GSE1: variants seen among roughly 807,000 people sequenced by gnomAD.
The protein encoded by GSE1 is genetic suppressor element 1.
A neutral mutation model predicts 112.6 loss-of-function variants in GSE1; 32 were observed. The ratio of observed to expected loss-of-function variants is 0.28; its 90% CI spans 0.21 to 0.38. The LOEUF (loss-of-function observed/expected upper bound fraction) is 0.38. Among genes scored for constraint, GSE1 ranks in the 10% least tolerant of loss-of-function variants. GSE1 has a pLI of 1.00. For missense variants in GSE1, 2,348 were observed against 1,699.2 expected (o/e 1.38, Z -6.71); for synonymous variants, 1,115 against 735.6 (o/e 1.52, Z -8.35).
intron 1 of GSE1, among the ~76,000 whole-genome samples, chr16:85,319,259 C>T (rs79296709): frequency 0.032 from 4,820 of 152,282 alleles, 241 homozygotes; most frequent in African/African-American, 0.11. Flanking sequence ...GAAAAGTAGG[C>T]GTGTGACCCA....
chr16:85,482,220 A>AG (rs11400653), intron 2 of GSE1, among the ~76,000 whole-genome samples: 10,798 of 152,184 alleles, frequency 0.071, 1,236 homozygotes, highest in African/African-American at 0.24. Flanking sequence ...ACAGTGGGTG[A>AG]GGGTCCAGCT....
intron 1 of GSE1, among the ~76,000 whole-genome samples, chr16:85,203,127 T>G (rs1382367923): frequency 6.6e-6 from 1 of 151,988 alleles, no homozygotes; most frequent in Non-Finnish European, 1.5e-5. Flanking sequence ...TCCTCTCCTG[T>G]GGGGGTGCCT....
At chr16:85,460,472 GC>G (rs1294967147) in intron 2 of GSE1, among the ~76,000 whole-genome samples, 6 of 152,218 alleles carry the variant, frequency 3.9e-5, no homozygotes, top group Non-Finnish European at 8.8e-5. Context: ...TTGCTAATCT[GC>G]TAGACAATGG....
In GSE1 at chr16:85,307,380, G is replaced by C. The variant is rs536190932; in HGVS notation, c.2284-50083G>C. ...ACTTCTGACACACCTGCCTAGCTCA[G>C]GGGGCCCCAGGACAGCGCTCAGTTT... On this transcript the variant is annotated intron_variant, in intron 1 of 2. Coordinates refer to the GSE1 transcript ENST00000637419. 2.6e-5 allele frequency among the ~76,000 whole-genome samples: 4 copies of C among 152,328 alleles called. No individual in the cohort carries two copies. In the East Asian group the frequency reaches 7.7e-4, roughly 29 times the overall value.
intron 1 of GSE1, among the ~76,000 whole-genome samples, chr16:85,330,200 G>A (rs1251867336): frequency 6.6e-6 from 1 of 152,244 alleles, no homozygotes; most frequent in East Asian, 1.9e-4. Flanking sequence ...ATGTGAGCTA[G>A]GGACTTTGAA....
At chr16:85,475,761 C>A (rs1487269173) in intron 2 of GSE1, among the ~76,000 whole-genome samples, 1 of 141,670 alleles carries the variant, frequency 7.1e-6, no homozygotes, top group Admixed American at 7.4e-5. Flanking sequence ...GGGAATGTTT[C>A]TTCTAATTGT....
chr16:85,616,660 C>T (rs991407292), intron 1 of GSE1, among the ~76,000 whole-genome samples: 1 of 151,914 alleles, frequency 6.6e-6, no homozygotes, highest in African/African-American at 2.4e-5. Context: ...AGCTTGGTGG[C>T]TGTGCCGAAG....
At chr16:85,246,498 A>ACCCCCCC (rs1567636430) in intron 1 of GSE1, among the ~76,000 whole-genome samples, 36 of 31,508 alleles carry the variant, frequency 1.1e-3, no homozygotes, top group Non-Finnish European at 1.5e-3. Flanking sequence ...CACACTCTAC[A>ACCCCCCC]CACCCCCCCC....
At chr16:85,556,430 G>A in intron 1 of GSE1, 1 of 733,362 alleles carries the variant, frequency 1.4e-6, no homozygotes, top group African/African-American at 1.9e-5. Flanking sequence ...TCCCTCACCC[G>A]ACCCCCCTCC....
intron 2 of GSE1, among the ~76,000 whole-genome samples, chr16:85,430,220 G>C (rs2151758519): frequency 6.6e-6 from 1 of 152,318 alleles, no homozygotes; most frequent in African/African-American, 2.4e-5. Context: ...AAGCCCATTT[G>C]ACAGAAGAGG....
chr16:85,618,651 A>C (rs569332719), intron 1 of GSE1, among the ~76,000 whole-genome samples: 1 of 152,136 alleles, frequency 6.6e-6, no homozygotes, highest in Admixed American at 6.5e-5. Flanking sequence ...CCTTGCGGCT[A>C]CTCCTGTTGC....
At chr16:85,329,407 CT>C (rs1414998452) in intron 1 of GSE1, among the ~76,000 whole-genome samples, 2 of 152,070 alleles carry the variant, frequency 1.3e-5, no homozygotes, top group Non-Finnish European at 2.9e-5. Context: ...TCGGCTAAGC[CT>C]GGAACAGCCC....
upstream of GSE1, among the ~76,000 whole-genome samples, chr16:85,608,815 G>A (rs946204501): frequency 6.6e-6 from 1 of 152,178 alleles, no homozygotes; most frequent in African/African-American, 2.4e-5. Flanking sequence ...CCTGGCCCAC[G>A]GACATCCAGG....
chr16:85,221,000 A>G (rs573240643), intron 1 of GSE1, among the ~76,000 whole-genome samples: 6 of 147,376 alleles, frequency 4.1e-5, no homozygotes, highest in Non-Finnish European at 9.0e-5. Flanking sequence ...ACATGGGAGA[A>G]CAGCCAAGCC....
rs2053437302 is a variant in GSE1, at chr16:85,672,531, C to G, written c.3646C>G (p.Pro1216Ala). The change falls in exon 16 of 16, where the codon CCC (proline) becomes GCC (alanine). Residue 1216 changes from proline to alanine, a missense_variant. Transcript: ENST00000253458. Reference protein sequence around the residue: ...HWPRGYLKGYPR With the variant: ...HWPRGYLKGYAR ...GCCTAGGGGCTACCTGAAGGGATAT[C>G]CCAGGTGACGGTTTCCCTTGCACTA... The G allele has an allele frequency of 1.2e-6, 2 of 1,603,772 alleles. No homozygotes were observed. Among genetic ancestry groups the G allele is most frequent in the African/African-American group, 2.7e-5 (2 of 74,736 alleles).
intron 1 of GSE1, among the ~76,000 whole-genome samples, chr16:85,245,901 C>T (rs976684741): frequency 4.0e-5 from 6 of 149,482 alleles, no homozygotes; most frequent in Admixed American, 2.0e-4. Context: ...GCGTGTGTGT[C>T]GAGGTGTCTA....
At chr16:85,198,500 T>G (rs1327783905) in intron 1 of GSE1, among the ~76,000 whole-genome samples, 2 of 151,356 alleles carry the variant, frequency 1.3e-5, no homozygotes, top group Non-Finnish European at 2.9e-5. Context: ...CATAAAGCAG[T>G]GGATGAGCAG....
chr16:85,247,806 G>C (rs559468292), intron 1 of GSE1, among the ~76,000 whole-genome samples: 1 of 152,228 alleles, frequency 6.6e-6, no homozygotes, highest in Non-Finnish European at 1.5e-5. Context: ...ATGCCAGGGG[G>C]CTGGTCTTTG....
chr16:85,313,445 G>A lies in GSE1; in HGVS notation c.2284-44018G>A, dbSNP rs561364520. Among the ~76,000 whole-genome samples, 4 of 152,242 alleles carry A rather than the reference G, an allele frequency of 2.6e-5. No homozygotes were observed. In the East Asian group the frequency reaches 7.7e-4, roughly 29 times the overall value. On this transcript the variant is annotated intron_variant, in intron 1 of 2. Coordinates refer to the GSE1 transcript ENST00000637419. The stretch of plus-strand genomic sequence containing the variant: ...CGTTGGGCCAGGGCCAGGCCATCTC[G>A]GCCTCCTCTCTTGCAGACAACGGGC...
Sources: gnomAD v4.1 joint callset for allele counts (sites outside exome capture counted in the v4.1 genomes callset) on GRCh38, gnomAD v4.1.1 for gene constraint, MANE v1.5 for transcripts, NCBI Gene and HGNC (gene_info 2026-07-23, HGNC 2026-07-21) for gene names.